Variants in ZNF329 observed in about 807,000 individuals in gnomAD.
ZNF329 encodes zinc finger protein 329.
In ZNF329, 15 loss-of-function variants were observed where a neutral mutation model predicts 26.6. The observed-to-expected ratio is 0.56, with a 90% CI of 0.38 to 0.87. The LOEUF is 0.87. Among genes scored for constraint, ZNF329 ranks in the 40% least tolerant of loss-of-function variants. The probability of loss-of-function intolerance (pLI) is 0.00; values close to 1 mark genes in which losing one functional copy is unlikely to be tolerated. For synonymous variants in ZNF329, 239 were observed against 233.5 expected (o/e 1.02, Z -0.21); for missense variants, 651 against 651.9 (o/e 1.00, Z 0.02).
chr19:58,141,023 AATTTTT>A (rs2075174008), intron 3 of ZNF329, among the ~76,000 whole-genome samples: 1 of 150,552 alleles, frequency 6.6e-6, no homozygotes, highest in South Asian at 2.1e-4. Context: ...ATGCCTGGCT[AATTTTT>A]CTATTTTTAG....
rs1455526721 is a variant in ZNF329, at chr19:58,150,780, G to C, written c.-236C>G. The C allele has an allele frequency of 6.5e-6, 1 of 152,718 alleles. No individual in the cohort carries two copies. The highest frequency in any genetic ancestry group is 6.5e-5 in the Admixed American group (1 of 15,290). 9.5% of individuals were successfully genotyped at this position (152,718 alleles called of 1,614,324 possible). On this transcript the variant is annotated 5_prime_UTR_variant, in exon 1 of 4. Coordinates refer to ENST00000598312, the MANE Select transcript of ZNF329 (RefSeq NM_024620.4). ...TGGCGGCCGGCGGCAGCCATGTTCC[G>C]GGCGATTGCGCTTGCGCGGCTGCCG...
At chr19:58,152,647 C>T (rs1199376474), upstream of ZNF329, among the ~76,000 whole-genome samples, 1 of 152,136 alleles carries the variant, frequency 6.6e-6, no homozygotes, top group African/African-American at 2.4e-5. Context: ...CACTTGAGGT[C>T]AGGAATTCAA....
At chr19:58,131,115 GTA>G (rs765229456) in intron 3 of ZNF329, among the ~76,000 whole-genome samples, 11 of 144,662 alleles carry the variant, frequency 7.6e-5, no homozygotes, top group Admixed American at 5.5e-4. Context: ...ATGTATATGT[GTA>G]TATGTGTGTG....
chr19:58,141,641 C>T (rs1038708712), intron 3 of ZNF329, among the ~76,000 whole-genome samples: 8 of 152,056 alleles, frequency 5.3e-5, no homozygotes, highest in African/African-American at 1.7e-4. Flanking sequence ...CCTGTAATCC[C>T]AGCACTTTGG....
chr19:58,149,008 T>C (rs2075389517), intron 1 of ZNF329, among the ~76,000 whole-genome samples: 1 of 152,166 alleles, frequency 6.6e-6, no homozygotes, highest in Non-Finnish European at 1.5e-5. Flanking sequence ...TTCTAGGTCA[T>C]AGGATAACAC....
chr19:58,126,612 C>A lies in ZNF329; in HGVS notation c.*1266G>T, dbSNP rs1404614525. On this transcript the variant is annotated 3_prime_UTR_variant, in exon 4 of 4. Coordinates refer to ENST00000598312, the MANE Select transcript of ZNF329 (RefSeq NM_024620.4). ...TGCTTCAACAACTAAAGCAACAAACCACATCTGTTAGAAGCAGCCCTTTCC... is the reference window on the plus strand; with the variant it reads ...TGCTTCAACAACTAAAGCAACAAACAACATCTGTTAGAAGCAGCCCTTTCC... 1 of 152,132 alleles carries A rather than the reference C, an allele frequency of 6.6e-6. No homozygotes were observed. The highest frequency in any genetic ancestry group is 1.5e-5 in the Non-Finnish European group (1 of 68,036). The allele number at this position is 152,132 out of a possible 1,614,324, so 9.4% of individuals were successfully genotyped here. A position where few individuals can be genotyped will look rare whatever the true frequency, so the allele number is the denominator to read the frequency against.
intron 1 of ZNF329, among the ~76,000 whole-genome samples, chr19:58,148,056 C>A (rs1000114630): frequency 1.6e-4 from 24 of 151,918 alleles, no homozygotes; most frequent in Non-Finnish European, 2.8e-4. Flanking sequence ...AAGAAAAATT[C>A]TTCTGCCTTG....
chr19:58,152,580 G>A (rs181502566), upstream of ZNF329, among the ~76,000 whole-genome samples: 165 of 152,114 alleles, frequency 1.1e-3, no homozygotes, highest in African/African-American at 3.6e-3. Flanking sequence ...GTCGGAGACC[G>A]GACGCGGTGG....
intron 1 of ZNF329, among the ~76,000 whole-genome samples, chr19:58,149,704 A>G (rs959606525): frequency 2.6e-5 from 4 of 152,328 alleles, no homozygotes; most frequent in African/African-American, 7.2e-5. Context: ...CCAAGTTCCT[A>G]TAGCCAAATT....
intron 3 of ZNF329, among the ~76,000 whole-genome samples, chr19:58,139,364 T>C (rs943943311): frequency 3.9e-5 from 6 of 152,192 alleles, no homozygotes; most frequent in African/African-American, 1.4e-4. Context: ...CTTGTCTTAG[T>C]CTGGGCTGCT....
chr19:58,129,517 A>G lies in ZNF329; in HGVS notation c.-8-6T>C, dbSNP rs2074889889. ...TTTCAATCTCATATCCCAAACTGCA[A>G]AAAGAAGAAAAATGCAGACTTAGGT... On this transcript the variant is annotated splice_region_variant and splice_polypyrimidine_tract_variant and intron_variant, in intron 3 of 3. Transcript: ENST00000598312. The G allele has an allele frequency of 6.4e-7, 1 of 1,564,796 alleles. No homozygotes were observed. Among genetic ancestry groups the G allele is most frequent in the African/African-American group, 1.4e-5 (1 of 72,936 alleles).
Position 58,128,072 on chromosome 19 carries a change from T to A in ZNF329, c.1432A>T (p.Thr478Ser). 1 of 1,611,568 alleles carries A rather than the reference T, an allele frequency of 6.2e-7. No homozygotes were observed. The highest frequency in any genetic ancestry group is 8.5e-7 in the Non-Finnish European group (1 of 1,178,878). ...GGACACTGATATGGGGTCTCCTTAG[T>A]GTGAATTCTCTGGTGCTTGGTCAGA... is the stretch of plus-strand genomic sequence containing the variant. ...SCLTKHQRIH[T>S]KETPYQCPEC... Residue 478 changes from threonine (T) to serine (S), a missense_variant, in exon 4 of 4, where the codon ACT (threonine) becomes TCT (serine). Physicochemically the swap from Thr to Ser is moderately conservative, Grantham distance 58. Transcript: ENST00000598312.
At chr19:58,150,797 CG>C (rs2075436470), upstream of ZNF329, 1 of 152,716 alleles carries the variant, frequency 6.5e-6, no homozygotes, top group South Asian at 2.1e-4. Context: ...TGCGCTTGCG[CG>C]GCTGCCGGGA....
At chr19:58,131,979 C>T (rs1385979789) in intron 3 of ZNF329, among the ~76,000 whole-genome samples, 5 of 145,236 alleles carry the variant, frequency 3.4e-5, no homozygotes, top group South Asian at 2.1e-4. Context: ...GCCGCGATAG[C>T]GCCACTGCAC....
chr19:58,149,350 T>G (rs573395539), intron 1 of ZNF329, among the ~76,000 whole-genome samples: 113 of 152,270 alleles, frequency 7.4e-4, no homozygotes, highest in African/African-American at 2.7e-3. Flanking sequence ...TGCTTTCACT[T>G]TACTCTATGG....
In ZNF329 at chr19:58,128,694, A is replaced by G. The variant is rs2146051817; in HGVS notation, c.810T>C (p.Asp270=). 6.2e-7 allele frequency: 1 copy of G among 1,606,024 alleles called. No homozygotes were observed. Among genetic ancestry groups the G allele is most frequent in the Non-Finnish European group, 8.5e-7 (1 of 1,176,180 alleles). ...TCTGGTGCTGTGTCAGAGCTGAGCC[A>G]TCACTGAAAGCTTTCCCACATTTAC... ...ECSKCGKAFS[D]GSALTQHQRI... Residue 270 remains aspartate (D), a synonymous_variant, in exon 4 of 4, where the codon GAT becomes GAC. Transcript: ENST00000598312.
upstream of ZNF329, chr19:58,150,815 T>C (rs2075436969): frequency 6.5e-6 from 1 of 152,740 alleles, no homozygotes; most frequent in Admixed American, 6.5e-5. Flanking sequence ...GGGACAAGGA[T>C]GTGCGCGTGC....
chr19:58,149,491 A>C (rs748996768), intron 1 of ZNF329, among the ~76,000 whole-genome samples: 7 of 152,178 alleles, frequency 4.6e-5, no homozygotes, highest in Non-Finnish European at 7.3e-5. Context: ...AATGTGGCAA[A>C]AAGTGTTAAT....
At chr19:58,147,352 C>G (rs1240515424) in intron 1 of ZNF329, among the ~76,000 whole-genome samples, 1 of 150,392 alleles carries the variant, frequency 6.6e-6, no homozygotes, top group Non-Finnish European at 1.5e-5. Flanking sequence ...CCCCTCCGCC[C>G]GGCAGCCACC....
Sources: allele counts gnomAD v4.1 joint callset (sites outside exome capture counted in the v4.1 genomes callset), GRCh38; gene constraint gnomAD v4.1.1; transcripts MANE v1.5; gene names NCBI Gene and HGNC (gene_info 2026-07-23, HGNC 2026-07-21).